The following DNER variants were observed in gnomAD, a reference collection of about 807,000 sequenced individuals.
The protein encoded by DNER is delta/notch like EGF repeat containing, also known as delta and Notch-like epidermal growth factor-related receptor.
In DNER, 33 loss-of-function variants were observed where a neutral mutation model predicts 78.2. The ratio of observed to expected loss-of-function variants is 0.42; its 90% CI spans 0.32 to 0.56. DNER has a LOEUF of 0.56. Ranked by LOEUF, DNER falls within the 20% of genes least tolerant of loss-of-function variation. The probability of loss-of-function intolerance (pLI) is 0.11; values close to 1 mark genes in which losing one functional copy is unlikely to be tolerated. For synonymous variants in DNER, 417 were observed against 384.8 expected (o/e 1.08, Z -0.98); for missense variants, 918 against 975.3 (o/e 0.94, Z 0.78).
chr2:229,651,413 C>T (rs751805123), intron 1 of DNER, among the ~76,000 whole-genome samples: 20 of 152,338 alleles, frequency 1.3e-4, no homozygotes, highest in East Asian at 7.7e-4. Flanking sequence ...AGGACACTTG[C>T]GTGTCCTCTC....
At chr2:229,399,234 T>C (rs898611455) in intron 10 of DNER, among the ~76,000 whole-genome samples, 1 of 150,970 alleles carries the variant, frequency 6.6e-6, no homozygotes, top group African/African-American at 2.4e-5. Flanking sequence ...AATTTAAACA[T>C]ACAAAAATCA....
intron 4 of DNER, among the ~76,000 whole-genome samples, chr2:229,550,038 A>G (rs115986956): frequency 0.019 from 2,896 of 151,712 alleles, 78 homozygotes; most frequent in African/African-American, 0.058. Flanking sequence ...TGTGGCCCAG[A>G]CTGGACTGCA....
intron 1 of DNER, among the ~76,000 whole-genome samples, chr2:229,688,357 G>T (rs911147404): frequency 6.6e-5 from 10 of 152,218 alleles, no homozygotes; most frequent in Admixed American, 2.6e-4. Flanking sequence ...GCAACATTGA[G>T]CAAGCCACAC....
At chr2:229,493,973 G>C (rs891402155) in intron 6 of DNER, among the ~76,000 whole-genome samples, 8 of 152,200 alleles carry the variant, frequency 5.3e-5, no homozygotes, top group African/African-American at 1.9e-4. Context: ...TATCAGGTTT[G>C]TACCTGACTC....
At chr2:229,596,965 A>C (rs1348127345) in intron 1 of DNER, among the ~76,000 whole-genome samples, 1 of 152,114 alleles carries the variant, frequency 6.6e-6, no homozygotes, top group Non-Finnish European at 1.5e-5. Flanking sequence ...ACGCATATAC[A>C]TGCACACACC....
intron 1 of DNER, among the ~76,000 whole-genome samples, chr2:229,703,875 A>G (rs535428100): frequency 6.6e-6 from 1 of 151,310 alleles, no homozygotes; most frequent in East Asian, 2.0e-4. Flanking sequence ...ACAGAGTGAG[A>G]CCCTGTCTCA....
At chr2:229,602,744 T>C (rs904633022) in intron 1 of DNER, among the ~76,000 whole-genome samples, 1 of 152,266 alleles carries the variant, frequency 6.6e-6, no homozygotes, top group South Asian at 2.1e-4. Context: ...ATAAATCAAA[T>C]GTTAAAAATG....
chr2:229,655,881 G>A (rs990385790), intron 1 of DNER, among the ~76,000 whole-genome samples: 1 of 152,080 alleles, frequency 6.6e-6, no homozygotes, highest in South Asian at 2.1e-4. Context: ...AGGAAAGAAG[G>A]CCGTGTAAAG....
chr2:229,407,150 T>C, intron 10 of DNER, 82 bp downstream of exon 10: 1 of 1,213,140 alleles, frequency 8.2e-7, no homozygotes, highest in Non-Finnish European at 1.2e-6. Flanking sequence ...ATTTTATTCA[T>C]GATGGATTTG....
rs374406242 is a variant in DNER at position 229,594,477 on chromosome 2, C to G, written c.277-2589G>C. On this transcript the variant is annotated intron_variant, in intron 1 of 12. Transcript: ENST00000341772. The stretch of plus-strand genomic sequence containing the variant: ...TGGTGGGCACCTGTAATCCCAGCTA[C>G]TAGAGAGGCTAAGGCGGGAGAATCA... Among the ~76,000 whole-genome samples, 243 of 152,222 alleles carry G rather than the reference C, an allele frequency of 1.6e-3. 3 individuals carry two copies. Among genetic ancestry groups the G allele is most frequent in the Middle Eastern group, 3.4e-3 (1 of 294 alleles).
At chr2:229,619,589 T>TA (rs1449354103) in intron 1 of DNER, among the ~76,000 whole-genome samples, 2 of 152,340 alleles carry the variant, frequency 1.3e-5, no homozygotes, top group South Asian at 2.1e-4. Context: ...ATGCCCAAGA[T>TA]AATGCCCTTC....
intron 1 of DNER, among the ~76,000 whole-genome samples, chr2:229,684,163 A>T (rs1338419050): frequency 1.4e-3 from 189 of 130,400 alleles, no homozygotes; most frequent in South Asian, 6.6e-3. Context: ...AGAGAGAGAG[A>T]GAGAGAGTGT....
At chr2:229,575,903 T>G (rs1697290072) in intron 4 of DNER, among the ~76,000 whole-genome samples, 3 of 152,230 alleles carry the variant, frequency 2.0e-5, no homozygotes, top group Non-Finnish European at 4.4e-5. Context: ...TTGCTGACAA[T>G]ATTAATATGA....
intron 5 of DNER, among the ~76,000 whole-genome samples, chr2:229,518,829 T>C (rs1021095087): frequency 2.0e-4 from 31 of 152,234 alleles, no homozygotes; most frequent in African/African-American, 7.5e-4. Flanking sequence ...ATATACCATA[T>C]ATCACTTCGT....
In DNER at chr2:229,708,219, A is replaced by G. The variant is rs7562927; in HGVS notation, c.276+5929T>C. 9.2e-3 allele frequency among the ~76,000 whole-genome samples: 1,398 copies of G among 152,322 alleles called. 23 individuals are homozygous for G. Among genetic ancestry groups the G allele is most frequent in the African/African-American group, 0.032 (1,327 of 41,560 alleles). On this transcript the variant is annotated intron_variant, in intron 1 of 12. Transcript: ENST00000341772. ...TTCTCTGCCACATGCTATACACTGA[A>G]CAGGCTATGAAGGAAGATGATAAGA...
At chr2:229,364,744 G>A (rs1367406056) in intron 12 of DNER, among the ~76,000 whole-genome samples, 1 of 152,004 alleles carries the variant, frequency 6.6e-6, no homozygotes, top group African/African-American at 2.4e-5. Flanking sequence ...CTGAGAATTG[G>A]GTTTGGGGAA....
In DNER at chr2:229,585,912, C is replaced by T; in HGVS notation, c.793G>A (p.Gly265Arg). The T allele has an allele frequency of 6.2e-7, 1 of 1,614,104 alleles. No individual in the cohort carries two copies. The highest frequency in any genetic ancestry group is 8.5e-7 in the Non-Finnish European group (1 of 1,179,992). The change falls in exon 4 of 13, where the codon GGG becomes AGG. Residue 265 changes from glycine to arginine, a missense_variant. Coordinates refer to ENST00000341772, the MANE Select transcript of DNER (RefSeq NM_139072.4). Reference sequence around the variant, plus strand: ...ATCTCCTCCAGGAGGACCAGTCCCCCTGAAGCCTGAAGGGGGGTCACACTT... The same window carrying T: ...ATCTCCTCCAGGAGGACCAGTCCCCTTGAAGCCTGAAGGGGGGTCACACTT... ...GRSVTPLQASGGLVLLEEMLA... is the reference protein window; with the variant it reads ...GRSVTPLQASRGLVLLEEMLA...
chr2:229,452,126 T>C (rs1183651554), intron 7 of DNER, among the ~76,000 whole-genome samples: 1 of 152,232 alleles, frequency 6.6e-6, no homozygotes, highest in Non-Finnish European at 1.5e-5. Flanking sequence ...GGATATCATC[T>C]ATTTTCATTA....
At chr2:229,644,641 C>T (rs1208859844) in intron 1 of DNER, among the ~76,000 whole-genome samples, 1 of 152,000 alleles carries the variant, frequency 6.6e-6, no homozygotes, top group Non-Finnish European at 1.5e-5. Flanking sequence ...GTTTATTTTT[C>T]AGTATTGTGT....
Sources: allele counts gnomAD v4.1 joint callset (sites outside exome capture counted in the v4.1 genomes callset), GRCh38; gene constraint gnomAD v4.1.1; transcripts MANE v1.5; gene names NCBI Gene and HGNC (gene_info 2026-07-23, HGNC 2026-07-21).